The following ERC1 variants were observed in gnomAD, a reference collection of about 807,000 sequenced individuals.
The protein encoded by ERC1 is RAB6 interacting protein 2.
ERC1 carries 56 observed loss-of-function variants against 132.0 expected under a neutral mutation model. That is an observed-to-expected ratio of 0.42 (90% CI 0.34 to 0.53). ERC1 has a LOEUF of 0.53. Among genes scored for constraint, ERC1 ranks in the 20% least tolerant of loss-of-function variants. ERC1 has a pLI of 0.03. For missense variants in ERC1, 1,202 were observed against 1,349.9 expected (o/e 0.89, Z 1.72); for synonymous variants, 478 against 476.1 (o/e 1.00, Z -0.05).
chr12:1,216,498 G>A (rs1048666871), intron 12 of ERC1, among the ~76,000 whole-genome samples: 3 of 151,654 alleles, frequency 2.0e-5, no homozygotes, highest in Admixed American at 1.3e-4. Flanking sequence ...GGAGAAATAC[G>A]GATGGCATAT....
intron 7 of ERC1, among the ~76,000 whole-genome samples, chr12:1,131,838 T>C (rs1217384367): frequency 6.6e-6 from 1 of 152,180 alleles, no homozygotes; most frequent in Admixed American, 6.5e-5. Flanking sequence ...CTTCCATTGG[T>C]AGAGAAAACC....
intron 2 of ERC1, among the ~76,000 whole-genome samples, chr12:1,047,528 G>A (rs991822644): frequency 3.9e-5 from 6 of 152,122 alleles, no homozygotes; most frequent in African/African-American, 1.4e-4. Flanking sequence ...AGGAGGTAAG[G>A]TTTCAAGAAC....
At position 1,495,539 on chromosome 12, in the gene ERC1, C is replaced by T; in HGVS notation, c.*5309C>T. 1 of 229,410 alleles carries T rather than the reference C, an allele frequency of 4.4e-6. No individual in the cohort carries two copies. The highest frequency in any genetic ancestry group is 2.2e-5 in the African/African-American group (1 of 45,230). The allele number at this position is 229,410 out of a possible 1,614,324, so 14.2% of individuals were successfully genotyped here. The stretch of plus-strand genomic sequence containing the variant: ...CACATCCTGAGGGCAGCACCACCCA[C>T]TCTGGCCTGCTGGCCCATCGCAGGA... On this transcript the variant is annotated 3_prime_UTR_variant, in exon 19 of 19. Transcript: ENST00000360905.
At chr12:1,215,385 A>G (rs2154292573) in intron 12 of ERC1, among the ~76,000 whole-genome samples, 1 of 152,340 alleles carries the variant, frequency 6.6e-6, no homozygotes, top group African/African-American at 2.4e-5. Flanking sequence ...CTTGGACAAT[A>G]GTAATAAGTA....
At chr12:1,222,407 G>A (rs1185122957) in intron 12 of ERC1, among the ~76,000 whole-genome samples, 1 of 151,666 alleles carries the variant, frequency 6.6e-6, no homozygotes, top group Non-Finnish European at 1.5e-5. Flanking sequence ...TGTATTTTTG[G>A]CAGATACGGG....
chr12:1,400,467 TGG>T (rs1307002677), intron 16 of ERC1, among the ~76,000 whole-genome samples: 3 of 152,218 alleles, frequency 2.0e-5, no homozygotes, highest in African/African-American at 7.2e-5. Flanking sequence ...TTTCGCTCTT[TGG>T]GTATATTATC....
intron 15 of ERC1, among the ~76,000 whole-genome samples, chr12:1,368,240 A>G (rs2086850650): frequency 6.6e-6 from 1 of 152,126 alleles, no homozygotes; most frequent in African/African-American, 2.4e-5. Flanking sequence ...TATTTATATC[A>G]GTATTAGAAT....
chr12:1,132,252 A>T (rs1389962382), intron 7 of ERC1, among the ~76,000 whole-genome samples: 1 of 152,208 alleles, frequency 6.6e-6, no homozygotes, highest in Non-Finnish European at 1.5e-5. Context: ...AAGTGTACAC[A>T]GGTGATGTGA....
chr12:1,034,989 T>C (rs1384940428), intron 2 of ERC1, among the ~76,000 whole-genome samples: 6 of 152,226 alleles, frequency 3.9e-5, no homozygotes, highest in Non-Finnish European at 8.8e-5. Context: ...CTGGCAGCGA[T>C]GCATTCTCCG....
At chr12:1,392,695 A>C (rs1348037179) in intron 16 of ERC1, among the ~76,000 whole-genome samples, 3 of 152,238 alleles carry the variant, frequency 2.0e-5, no homozygotes, top group Non-Finnish European at 4.4e-5. Flanking sequence ...ATTTGGATTT[A>C]TAAAATTATA....
intron 1 of ERC1, chr12:1,027,450 G>A (rs1385260229): frequency 3.1e-5 from 5 of 158,780 alleles, no homozygotes; most frequent in East Asian, 1.6e-4. Flanking sequence ...GGCCTCAAGC[G>A]ATCTTCCTAC....
chr12:1,185,464 T>C (rs1235024834), intron 11 of ERC1, among the ~76,000 whole-genome samples: 1 of 151,890 alleles, frequency 6.6e-6, no homozygotes, highest in Non-Finnish European at 1.5e-5. Context: ...TTAATTTTGT[T>C]TCCCTTGATT....
chr12:1,182,005 A>T lies in ERC1; in HGVS notation c.1956A>T (p.Lys652Asn). ...AAGAGGAAATTGATAACTACAAAAA[A>T]GATCTTAAAGACTTGAAGGAAAAAG... ...EKQEEIDNYK[K>N]DLKDLKEKVS... is the part of the protein sequence containing the mutation. Residue 652 changes from lysine (K) to asparagine (N), a missense_variant, in exon 10 of 19, where the codon AAA (lysine) becomes AAT (asparagine). Transcript: ENST00000360905. 1 of 1,614,110 alleles carries T rather than the reference A, an allele frequency of 6.2e-7. No individual in the cohort carries two copies. The highest frequency in any genetic ancestry group is 8.5e-7 in the Non-Finnish European group (1 of 1,179,978).
At chr12:1,392,374 T>C (rs1375778819) in intron 16 of ERC1, among the ~76,000 whole-genome samples, 2 of 152,222 alleles carry the variant, frequency 1.3e-5, no homozygotes, top group Admixed American at 6.5e-5. Context: ...CTTTTCTCTT[T>C]AGGAAAATAA....
chr12:1,282,085 C>T (rs1442769481), intron 14 of ERC1, among the ~76,000 whole-genome samples: 2 of 151,898 alleles, frequency 1.3e-5, no homozygotes, highest in African/African-American at 4.8e-5. Context: ...GCATTTCTTT[C>T]ACACTGATAC....
chr12:1,043,910 A>G (rs1406082556), intron 2 of ERC1, among the ~76,000 whole-genome samples: 1 of 152,182 alleles, frequency 6.6e-6, no homozygotes, highest in African/African-American at 2.4e-5. Context: ...CCTGGCATTT[A>G]CATGTTAACA....
chr12:1,319,527 G>A (rs908988454), intron 15 of ERC1, among the ~76,000 whole-genome samples: 2 of 152,102 alleles, frequency 1.3e-5, no homozygotes, highest in South Asian at 4.1e-4. Context: ...TATGATATGA[G>A]ATATTTATTA....
At position 1,440,371 on chromosome 12, in the gene ERC1, AT is replaced by A. The variant is rs374749122; in HGVS notation, c.3025-4183del. ...AGACGCCCGCCACCACGCCCGGCTA[AT>A]TTTTTTTGTATTTTTAGTAGAGACG... On this transcript the variant is annotated intron_variant, in intron 17 of 18. Coordinates refer to ENST00000360905, the MANE Select transcript of ERC1 (RefSeq NM_178040.4). Among the ~76,000 whole-genome samples the A allele has an allele frequency of 2.4e-4, 36 of 148,210 alleles. 1 individual carries two copies. The highest frequency in any genetic ancestry group is 3.3e-4 in the African/African-American group (13 of 39,830).
chr12:1,059,351 C>G (rs1439710382), intron 2 of ERC1, among the ~76,000 whole-genome samples: 1 of 152,158 alleles, frequency 6.6e-6, no homozygotes, highest in African/African-American at 2.4e-5. Flanking sequence ...AGTGCTCTGG[C>G]TGGGACTTCC....
Sources: allele counts gnomAD v4.1 joint callset (sites outside exome capture counted in the v4.1 genomes callset), GRCh38; gene constraint gnomAD v4.1.1; transcripts MANE v1.5; gene names NCBI Gene and HGNC (gene_info 2026-07-23, HGNC 2026-07-21).